The following CDC42BPB variants were observed in gnomAD, a reference collection of about 807,000 sequenced individuals.
CDC42BPB encodes the protein CDC42 binding protein kinase beta, also known as serine/threonine-protein kinase MRCK beta.
Under a neutral mutation model 214.9 loss-of-function variants are expected in CDC42BPB, and 37 were observed. The observed-to-expected ratio is 0.17, with a 90% CI of 0.13 to 0.23. The LOEUF is 0.23. CDC42BPB is among the 10% of genes least tolerant of loss of function. The pLI, the probability that CDC42BPB is intolerant of heterozygous loss-of-function variation, is 1.00. For synonymous variants in CDC42BPB, 931 were observed against 884.0 expected, an observed-to-expected ratio of 1.05 and a Z score of -0.94; for missense variants, 1,694 against 2,227.0, an observed-to-expected ratio of 0.76 and a Z score of 4.82.
chr14:102,990,106 G>C (rs1169244830), intron 5 of CDC42BPB, among the ~76,000 whole-genome samples: 1 of 152,136 alleles, frequency 6.6e-6, no homozygotes, highest in African/African-American at 2.4e-5. Context: ...TTGGAAGCAC[G>C]CTAACGTCCT....
intron 1 of CDC42BPB, among the ~76,000 whole-genome samples, chr14:103,033,536 G>T (rs1887508047): frequency 6.6e-6 from 1 of 151,948 alleles, no homozygotes; most frequent in South Asian, 2.1e-4. Context: ...TACTTCTAAA[G>T]GTATCTGAAA....
intron 21 of CDC42BPB, among the ~76,000 whole-genome samples, chr14:102,959,071 T>C (rs1403353040): frequency 1.2e-4 from 18 of 151,512 alleles, no homozygotes; most frequent in African/African-American, 4.4e-4. Flanking sequence ...CCAAGGTGGG[T>C]GGATCACCTG....
intron 1 of CDC42BPB, among the ~76,000 whole-genome samples, chr14:103,053,723 C>T (rs918852274): frequency 6.7e-6 from 1 of 149,846 alleles, no homozygotes; most frequent in African/African-American, 2.5e-5. Context: ...GATCCCGCCA[C>T]TGCACTCCAG....
chr14:102,957,955 T>C (rs1892784300), intron 21 of CDC42BPB, among the ~76,000 whole-genome samples: 1 of 152,202 alleles, frequency 6.6e-6, no homozygotes. Context: ...AACCCACAAC[T>C]GATGAAGATG....
At position 102,940,031 on chromosome 14, in the gene CDC42BPB, C is replaced by T. The variant is rs2269317; in HGVS notation, c.4591+15G>A. Reference sequence around the variant, plus strand: ...ACTTCCCTTCCCTCCACTCCCGGTGCAGAGGAAGGCTCACCCGAGAACTTG... The same window carrying T: ...ACTTCCCTTCCCTCCACTCCCGGTGTAGAGGAAGGCTCACCCGAGAACTTG... On this transcript the variant is annotated intron_variant, in intron 32 of 36. Coordinates refer to ENST00000361246, the MANE Select transcript of CDC42BPB (RefSeq NM_006035.4). The T allele has an allele frequency of 0.12, 191,814 of 1,613,822 alleles. 12,606 individuals are homozygous for T. Among genetic ancestry groups the T allele is most frequent in the East Asian group, 0.26 (11,708 of 44,862 alleles).
At chr14:103,035,219 G>T (rs562320001) in intron 1 of CDC42BPB, among the ~76,000 whole-genome samples, 1 of 151,928 alleles carries the variant, frequency 6.6e-6, no homozygotes, top group African/African-American at 2.4e-5. Context: ...CACCATGCCC[G>T]GCTAATTTTG....
chr14:102,953,333 G>A (rs1028646822), intron 23 of CDC42BPB, among the ~76,000 whole-genome samples: 11 of 152,244 alleles, frequency 7.2e-5, no homozygotes, highest in Non-Finnish European at 1.6e-4. Context: ...CGGTGGCCGG[G>A]CCATCAGGAC....
At chr14:103,054,690 C>A (rs1226190454) in intron 1 of CDC42BPB, among the ~76,000 whole-genome samples, 1 of 152,176 alleles carries the variant, frequency 6.6e-6, no homozygotes, top group East Asian at 1.9e-4. Context: ...ACACCACCTT[C>A]TAAGTCCATT....
chr14:102,970,039 C>T (rs950206534), intron 14 of CDC42BPB, 112 bp downstream of exon 14: 19 of 820,504 alleles, frequency 2.3e-5, no homozygotes, highest in African/African-American at 1.2e-4. Context: ...TGAACAGCCT[C>T]GGGTGACACT....
At chr14:103,047,408 G>A (rs1888353920) in intron 1 of CDC42BPB, among the ~76,000 whole-genome samples, 1 of 151,846 alleles carries the variant, frequency 6.6e-6, no homozygotes, top group African/African-American at 2.4e-5. Flanking sequence ...AGATAAACAA[G>A]AGTTCCCTGA....
intron 18 of CDC42BPB, among the ~76,000 whole-genome samples, chr14:102,965,362 T>C (rs981465192): frequency 4.7e-5 from 7 of 147,844 alleles, no homozygotes; most frequent in South Asian, 2.1e-4. Flanking sequence ...CTGGGAATTA[T>C]GTCATTACTC....
intron 5 of CDC42BPB, among the ~76,000 whole-genome samples, chr14:102,994,617 C>T (rs1894643990): frequency 6.6e-6 from 1 of 152,194 alleles, no homozygotes; most frequent in African/African-American, 2.4e-5. Flanking sequence ...TCAGGCACAG[C>T]GCTGAGAAGC....
At chr14:102,945,813 T>C in intron 28 of CDC42BPB, 89 bp from the exon 29 acceptor site, 6 of 1,118,476 alleles carry the variant, frequency 5.4e-6, no homozygotes, top group Non-Finnish European at 8.2e-6. Context: ...CATTCACAGA[T>C]ACTTTTCAAC....
At chr14:103,039,341 A>G (rs1887854027) in intron 1 of CDC42BPB, among the ~76,000 whole-genome samples, 1 of 151,802 alleles carries the variant, frequency 6.6e-6, no homozygotes, top group South Asian at 2.1e-4. Context: ...ACTAGAATCA[A>G]TTACCTTTAT....
intron 23 of CDC42BPB, among the ~76,000 whole-genome samples, chr14:102,953,728 C>T (rs562901296): frequency 6.6e-6 from 1 of 152,252 alleles, no homozygotes; most frequent in Non-Finnish European, 1.5e-5. Context: ...GCTGTGCTGG[C>T]TCTCCAGGAT....
In CDC42BPB at chr14:102,953,330, C is replaced by T. The variant is rs550438369; in HGVS notation, c.3067-727G>A. Among the ~76,000 whole-genome samples the T allele has an allele frequency of 2.7e-4, 41 of 152,300 alleles. 1 individual carries two copies. In the Middle Eastern group the frequency reaches 0.01, roughly 38 times the overall value. ...GGCAGGGAGGCCGTGGGGCGGTGGCCGGGCCATCAGGACTAGGAGTGACAC... is the reference window on the plus strand; with the variant it reads ...GGCAGGGAGGCCGTGGGGCGGTGGCTGGGCCATCAGGACTAGGAGTGACAC... On this transcript the variant is annotated intron_variant, in intron 23 of 36. Transcript: ENST00000361246.
chr14:102,939,901 C>A lies in CDC42BPB; in HGVS notation c.4638G>T (p.Gln1546His), dbSNP rs1427386882. The change falls in exon 33 of 37, where the codon CAG (glutamine) becomes CAT (histidine). Residue 1546 changes from glutamine to histidine, a missense_variant. By Grantham distance (24) the Gln-to-His change is conservative. This residue lies in a region of CDC42BPB where 567 missense variants were observed against 790.3 expected (regional missense o/e 0.72). Coordinates refer to ENST00000361246, the MANE Select transcript of CDC42BPB (RefSeq NM_006035.4). ...GCCTTTTGCTCCTGGTGCGCAGCAT[C>A]TGCTTCTTGCTGTTGTCGGAGGTGT... The part of the protein sequence containing the change: ...VPDTSDNSKK[Q>H]MLRTRSKRRF... 1 of 1,614,062 alleles carries A rather than the reference C, an allele frequency of 6.2e-7. No individual in the cohort carries two copies.
At chr14:102,962,074 C>T (rs1357786899) in intron 20 of CDC42BPB, among the ~76,000 whole-genome samples, 1 of 152,198 alleles carries the variant, frequency 6.6e-6, no homozygotes, top group Non-Finnish European at 1.5e-5. Context: ...CTCAATCTTA[C>T]TTATGAGAAA....
At chr14:102,936,018 C>T (rs936169898) in intron 36 of CDC42BPB, among the ~76,000 whole-genome samples, 3 of 152,130 alleles carry the variant, frequency 2.0e-5, no homozygotes, top group African/African-American at 7.2e-5. Context: ...AAACATAAGT[C>T]TTTAGAGAAT....
Sources: allele counts gnomAD v4.1 joint callset (sites outside exome capture counted in the v4.1 genomes callset), GRCh38; gene constraint gnomAD v4.1.1; regional missense constraint gnomAD v4.1.1; transcripts MANE v1.5; gene names NCBI Gene and HGNC (gene_info 2026-07-23, HGNC 2026-07-21).